ANGPT2: variants seen among roughly 807,000 people sequenced by gnomAD.
ANGPT2 encodes angiopoietin-2.
Under a neutral mutation model 62.9 loss-of-function variants are expected in ANGPT2, and 28 were observed. The observed-to-expected ratio is 0.44, with a 90% CI of 0.33 to 0.61. The LOEUF is 0.61. Among genes scored for constraint, ANGPT2 ranks in the 20% least tolerant of loss-of-function variants. The probability of loss-of-function intolerance (pLI) is 0.03; values close to 1 mark genes in which losing one functional copy is unlikely to be tolerated. For synonymous variants in ANGPT2, 284 were observed against 207.8 expected, an observed-to-expected ratio of 1.37 and a Z score of -3.15; for missense variants, 727 against 594.9, an observed-to-expected ratio of 1.22 and a Z score of -2.31.
At position 6,548,749 on chromosome 8, in the gene ANGPT2, C is replaced by G. The variant is rs184052020; in HGVS notation, c.288+13898G>C. 1.5e-3 allele frequency among the ~76,000 whole-genome samples: 225 copies of G among 152,306 alleles called. 1 individual carries two copies. The highest frequency in any genetic ancestry group is 5.2e-3 in the African/African-American group (218 of 41,556). ...ATTATTGTGTATAACAAGCATCTCT[C>G]TCTGATGATGCTGGAAAAAAAGAAG... On this transcript the variant is annotated intron_variant, in intron 1 of 8. Coordinates refer to ENST00000629816, the MANE Select transcript of ANGPT2 (RefSeq NM_001118887.2).
intron 5 of ANGPT2, among the ~76,000 whole-genome samples, chr8:6,515,436 A>C (rs1036639626): frequency 1.3e-5 from 2 of 152,186 alleles, no homozygotes; most frequent in African/African-American, 4.8e-5. Flanking sequence ...CAAGGGCATG[A>C]CTTCACGCTT....
chr8:6,531,780 C>G (rs1023300095), intron 2 of ANGPT2, among the ~76,000 whole-genome samples: 5 of 124,682 alleles, frequency 4.0e-5, no homozygotes, highest in African/African-American at 1.2e-4. Context: ...CATGGCAGCG[C>G]TCAGGGCTCT....
At chr8:6,538,191 C>A (rs1157130201) in intron 1 of ANGPT2, among the ~76,000 whole-genome samples, 1 of 151,536 alleles carries the variant, frequency 6.6e-6, no homozygotes, top group African/African-American at 2.4e-5. Context: ...CTAGTAAATT[C>A]ACAAATAATT....
At chr8:6,524,571 G>A (rs185085830) in intron 3 of ANGPT2, among the ~76,000 whole-genome samples, 10 of 152,272 alleles carry the variant, frequency 6.6e-5, no homozygotes, top group African/African-American at 1.4e-4. Flanking sequence ...CTTACCTTCC[G>A]TTTAACAGAG....
At chr8:6,522,868 A>C (rs73199048) in intron 3 of ANGPT2, among the ~76,000 whole-genome samples, 11,245 of 152,130 alleles carry the variant, frequency 0.074, 499 homozygotes, top group African/African-American at 0.12. Context: ...ACAATCCCAG[A>C]ACTTTCTGAC....
chr8:6,522,877 A>T (rs1255234769), intron 3 of ANGPT2, among the ~76,000 whole-genome samples: 3 of 152,014 alleles, frequency 2.0e-5, no homozygotes, highest in African/African-American at 7.2e-5. Flanking sequence ...GAACTTTCTG[A>T]CTCTGAAATC....
chr8:6,532,181 A>G (rs1819648153), intron 2 of ANGPT2, 151 bp downstream of exon 2: 5 of 903,062 alleles, frequency 5.5e-6, no homozygotes, highest in Middle Eastern at 3.2e-4. Flanking sequence ...ATAAGCAGCC[A>G]TACATCCTTA....
chr8:6,535,392 A>G (rs372165330), intron 1 of ANGPT2, among the ~76,000 whole-genome samples: 1 of 151,590 alleles, frequency 6.6e-6, no homozygotes, highest in Non-Finnish European at 1.5e-5. Flanking sequence ...AAATTTCTTA[A>G]CCTGCCATAT....
At chr8:6,505,286 G>T (rs1563305573) in intron 8 of ANGPT2, among the ~76,000 whole-genome samples, 4,615 of 29,778 alleles carry the variant, frequency 0.15, 938 homozygotes, top group African/African-American at 0.33. Context: ...ACATATATAT[G>T]TTATATACAT....
At chr8:6,515,938 G>A (rs1335149378) in intron 5 of ANGPT2, among the ~76,000 whole-genome samples, 1 of 152,204 alleles carries the variant, frequency 6.6e-6, no homozygotes, top group Non-Finnish European at 1.5e-5. Context: ...AAAGAGGGGT[G>A]CAGAGGAAGT....
intron 3 of ANGPT2, among the ~76,000 whole-genome samples, chr8:6,523,620 C>T (rs926868685): frequency 2.6e-5 from 4 of 152,200 alleles, no homozygotes; most frequent in African/African-American, 7.2e-5. Context: ...CTCGGAGTCT[C>T]GCGCTGTGGC....
rs1034740656 is a variant in ANGPT2, at chr8:6,513,979, G to A, written c.1030-135C>T. ...CCTTCTGGTGCTGTGACAATTTAGGGTCCTTCCCAAAGGAAAATGGATTTT... is the reference window on the plus strand; with the variant it reads ...CCTTCTGGTGCTGTGACAATTTAGGATCCTTCCCAAAGGAAAATGGATTTT... On this transcript the variant is annotated intron_variant, in intron 6 of 8. Coordinates refer to ENST00000629816, the MANE Select transcript of ANGPT2 (RefSeq NM_001118887.2). 1.5e-5 allele frequency: 13 copies of A among 844,218 alleles called. No homozygotes were observed. The African/African-American group carries it at 2.3e-4, about 15-fold the overall frequency. The allele number at this position is 844,218 out of a possible 1,614,324, so 52.3% of individuals were successfully genotyped here.
chr8:6,546,338 C>T (rs2129574464), intron 1 of ANGPT2, among the ~76,000 whole-genome samples: 1 of 152,304 alleles, frequency 6.6e-6, no homozygotes, highest in South Asian at 2.1e-4. Context: ...TCAACAGTAT[C>T]AGCTTGTACC....
chr8:6,519,836 A>G (rs753383272), intron 5 of ANGPT2, 28 bp downstream of exon 5: 271 of 1,610,654 alleles, frequency 1.7e-4, no homozygotes, highest in Admixed American at 3.5e-4. Context: ...AGAGCCAGGG[A>G]GTTAGTAAGG....
At chr8:6,510,722 C>G (rs1404657385) in intron 7 of ANGPT2, among the ~76,000 whole-genome samples, 2 of 152,162 alleles carry the variant, frequency 1.3e-5, no homozygotes, top group Non-Finnish European at 2.9e-5. Flanking sequence ...CTGGTGCACA[C>G]CTAAACAGAG....
chr8:6,547,021 G>A (rs1258921087), intron 1 of ANGPT2, among the ~76,000 whole-genome samples: 1 of 152,150 alleles, frequency 6.6e-6, no homozygotes, highest in Admixed American at 6.5e-5. Context: ...CTCGGAAGAA[G>A]CGTTCTCAGA....
chr8:6,519,832 A>T (rs756054224), intron 5 of ANGPT2, 32 bp downstream of exon 5: 4 of 1,610,490 alleles, frequency 2.5e-6, no homozygotes, highest in Middle Eastern at 1.7e-4. Flanking sequence ...GCCTAGAGCC[A>T]GGGAGTTAGT....
chr8:6,532,235 T>C, intron 2 of ANGPT2, 97 bp downstream of exon 2: 2 of 1,408,642 alleles, frequency 1.4e-6, no homozygotes, highest in South Asian at 1.3e-5. Flanking sequence ...TGGTGCTTTC[T>C]TTAGTTTCTC....
chr8:6,509,555 C>A, intron 7 of ANGPT2, among the ~76,000 whole-genome samples: 1 of 152,092 alleles, frequency 6.6e-6, no homozygotes. Flanking sequence ...GAAAATAAAT[C>A]CTTGTGGCTA....
Sources: gnomAD v4.1 joint callset for allele counts (sites outside exome capture counted in the v4.1 genomes callset) on GRCh38, gnomAD v4.1.1 for gene constraint, MANE v1.5 for transcripts, NCBI Gene and HGNC (gene_info 2026-07-23, HGNC 2026-07-21) for gene names.